The following APPBP2 variants were observed in gnomAD, a reference collection of about 807,000 sequenced individuals.
APPBP2 encodes the protein amyloid protein-binding protein 2.
Under a neutral mutation model 76.0 loss-of-function variants are expected in APPBP2, and 15 were observed. The ratio of observed to expected loss-of-function variants is 0.20; its 90% CI spans 0.13 to 0.30. APPBP2 has a LOEUF of 0.30. Ranked by LOEUF, APPBP2 falls within the 10% of genes least tolerant of loss-of-function variation. APPBP2 has a pLI of 1.00. For synonymous variants in APPBP2, 222 were observed against 242.2 expected (o/e 0.92, Z 0.77); for missense variants, 401 against 687.2 (o/e 0.58, Z 4.66).
intron 1 of APPBP2, among the ~76,000 whole-genome samples, chr17:60,512,365 A>G (rs2090921226): frequency 6.6e-6 from 1 of 151,970 alleles, no homozygotes; most frequent in Admixed American, 6.6e-5. Flanking sequence ...GGCCTCCCAA[A>G]GAGGTGTTTT....
intron 12 of APPBP2, 127 bp downstream of exon 12, chr17:60,451,753 A>G: frequency 1.3e-6 from 1 of 771,536 alleles, no homozygotes; most frequent in East Asian, 2.9e-5. Flanking sequence ...TGCTGGGATT[A>G]CAGGTATGAG....
intron 3 of APPBP2, among the ~76,000 whole-genome samples, chr17:60,485,895 TTG>T (rs2090673362): frequency 6.6e-6 from 1 of 152,236 alleles, no homozygotes; most frequent in Non-Finnish European, 1.5e-5. Flanking sequence ...TTCTGGTTCG[TTG>T]TGTCTTTGTT....
chr17:60,460,578 T>C, intron 9 of APPBP2, 85 bp downstream of exon 9: 1 of 1,297,194 alleles, frequency 7.7e-7, no homozygotes, highest in South Asian at 1.5e-5. Flanking sequence ...CTATTATTAA[T>C]GTAATAATAG....
At chr17:60,494,264 C>T (rs370711051) in intron 3 of APPBP2, among the ~76,000 whole-genome samples, 31 of 152,222 alleles carry the variant, frequency 2.0e-4, no homozygotes, top group African/African-American at 7.5e-4. Context: ...AATACCATCA[C>T]TTCGTTGGAA....
intron 3 of APPBP2, among the ~76,000 whole-genome samples, chr17:60,486,906 C>G (rs1385888924): frequency 2.6e-5 from 4 of 152,170 alleles, no homozygotes; most frequent in Non-Finnish European, 4.4e-5. Context: ...CAAAATCTCT[C>G]AGCATTTGCT....
intron 3 of APPBP2, among the ~76,000 whole-genome samples, chr17:60,479,492 T>C (rs1367114859): frequency 2.0e-5 from 3 of 152,188 alleles, no homozygotes; most frequent in African/African-American, 7.2e-5. Flanking sequence ...GAGTCAAAAG[T>C]TTGAACCTTC....
intron 1 of APPBP2, among the ~76,000 whole-genome samples, chr17:60,522,128 T>C (rs1013308206): frequency 1.7e-4 from 26 of 152,308 alleles, no homozygotes; most frequent in African/African-American, 6.0e-4. Context: ...CATGACTGTA[T>C]TGTGTAGGGT....
intron 12 of APPBP2, 53 bp from the exon 13 acceptor site, chr17:60,447,887 A>T (rs1187229225): frequency 1.9e-5 from 28 of 1,490,578 alleles, no homozygotes; most frequent in Non-Finnish European, 2.5e-5. Context: ...ATGAGATAAC[A>T]AGCAATTTCT....
rs537361030 is a variant in APPBP2, at chr17:60,505,384, T to C, written c.139-4897A>G. 5.3e-5 allele frequency among the ~76,000 whole-genome samples: 8 copies of C among 152,380 alleles called. No individual in the cohort carries two copies. The South Asian group carries it at 1.2e-3, about 24-fold the overall frequency. ...AGGTTGGAGTGCAGTGGCACGATCTTGGCTCACTGCAAGCTCCGCCTCCCG... is the reference window on the plus strand; with the variant it reads ...AGGTTGGAGTGCAGTGGCACGATCTCGGCTCACTGCAAGCTCCGCCTCCCG... On this transcript the variant is annotated intron_variant, in intron 1 of 12. Coordinates refer to ENST00000083182, the MANE Select transcript of APPBP2 (RefSeq NM_006380.5).
intron 6 of APPBP2, 34 bp downstream of exon 6, chr17:60,463,987 A>G (rs758086875): frequency 7.0e-7 from 1 of 1,433,470 alleles, no homozygotes; most frequent in Non-Finnish European, 9.6e-7. Context: ...GATAAATCCT[A>G]TAATTCATTT....
chr17:60,457,815 A>G (rs918435135), intron 9 of APPBP2, among the ~76,000 whole-genome samples: 1 of 152,236 alleles, frequency 6.6e-6, no homozygotes, highest in Non-Finnish European at 1.5e-5. Flanking sequence ...TAATTAGTAT[A>G]CCACACAATT....
Position 60,447,159 on chromosome 17 carries a change from A to AT in APPBP2, c.*421dup, listed in dbSNP as rs1364933757. 1 of 157,986 alleles carries AT rather than the reference A, an allele frequency of 6.3e-6. No individual in the cohort carries two copies. Among genetic ancestry groups the AT allele is most frequent in the African/African-American group, 2.4e-5 (1 of 41,514 alleles). The allele number at this position is 157,986 out of a possible 1,614,324, so 9.8% of individuals were successfully genotyped here. A position where few individuals can be genotyped will look rare whatever the true frequency, so the allele number is the denominator to read the frequency against. ...GCATAAAATTTCTTTACACTACAGTATTGAATACCTCCACATGGAAGAATT... is the reference window on the plus strand; with the variant it reads ...GCATAAAATTTCTTTACACTACAGTATTTGAATACCTCCACATGGAAGAATT... On this transcript the variant is annotated 3_prime_UTR_variant, in exon 13 of 13. Coordinates refer to ENST00000083182, the MANE Select transcript of APPBP2 (RefSeq NM_006380.5).
At chr17:60,491,808 C>T (rs565354252) in intron 3 of APPBP2, among the ~76,000 whole-genome samples, 1 of 152,122 alleles carries the variant, frequency 6.6e-6, no homozygotes, top group Non-Finnish European at 1.5e-5. Context: ...CCTCAGGATG[C>T]GATAGAAAAG....
intron 4 of APPBP2, among the ~76,000 whole-genome samples, chr17:60,470,607 C>T (rs1461760451): frequency 1.3e-5 from 2 of 151,478 alleles, no homozygotes; most frequent in South Asian, 2.1e-4. Flanking sequence ...AACAGAGTTT[C>T]GCTCTTGTTG....
chr17:60,525,303 AG>A (rs1329976514), intron 1 of APPBP2, among the ~76,000 whole-genome samples: 1 of 152,250 alleles, frequency 6.6e-6, no homozygotes, highest in Admixed American at 6.5e-5. Context: ...AATTGGGAAA[AG>A]AAAGGAGAAA....
chr17:60,465,619 A>G (rs2090505350), intron 5 of APPBP2, among the ~76,000 whole-genome samples: 1 of 152,186 alleles, frequency 6.6e-6, no homozygotes, highest in Non-Finnish European at 1.5e-5. Flanking sequence ...CTGTAATCCC[A>G]GCACTTCAGG....
chr17:60,506,242 C>A (rs2090867098), intron 1 of APPBP2, among the ~76,000 whole-genome samples: 1 of 152,160 alleles, frequency 6.6e-6, no homozygotes, highest in Admixed American at 6.5e-5. Flanking sequence ...GATACTCCCA[C>A]CTAGGCCTCC....
At chr17:60,464,157 T>G (rs192890313) in intron 5 of APPBP2, 47 bp from the exon 6 acceptor site, 31 of 1,476,588 alleles carry the variant, frequency 2.1e-5, no homozygotes, top group Non-Finnish European at 2.8e-6. Context: ...TTAAATCAAG[T>G]TGACAATATT....
At chr17:60,460,592 C>T in intron 9 of APPBP2, 71 bp downstream of exon 9, 1 of 1,485,342 alleles carries the variant, frequency 6.7e-7, no homozygotes, top group Non-Finnish European at 9.2e-7. Flanking sequence ...ATAATAGTTC[C>T]CTAATGGGAA....
Sources: gnomAD v4.1 joint callset for allele counts (sites outside exome capture counted in the v4.1 genomes callset) on GRCh38, gnomAD v4.1.1 for gene constraint, MANE v1.5 for transcripts, NCBI Gene and HGNC (gene_info 2026-07-23, HGNC 2026-07-21) for gene names.